Variants in ZFP2 observed in about 807,000 individuals in gnomAD.
ZFP2 encodes ZFP2 zinc finger protein.
ZFP2 carries 33 observed loss-of-function variants against 36.1 expected under a neutral mutation model. The observed-to-expected ratio is 0.92, with a 90% CI of 0.69 to 1.22. The LOEUF (loss-of-function observed/expected upper bound fraction) is 1.22, where lower values mean the gene tolerates loss of function less well. Among genes scored for constraint, ZFP2 ranks in the 50% most tolerant of loss-of-function variants. The pLI, the probability that ZFP2 is intolerant of heterozygous loss-of-function variation, is 0.00. For synonymous variants in ZFP2, 170 were observed against 178.0 expected, an observed-to-expected ratio of 0.96 and a Z score of 0.36; for missense variants, 522 against 551.4, an observed-to-expected ratio of 0.95 and a Z score of 0.53.
At chr5:178,898,671 C>T (rs534250994) in intron 1 of ZFP2, among the ~76,000 whole-genome samples, 5 of 152,302 alleles carry the variant, frequency 3.3e-5, no homozygotes, top group Middle Eastern at 3.4e-3. Context: ...CCATTGGGAG[C>T]TCGGGTGAGC....
At chr5:178,907,423 C>G (rs988420437) in intron 1 of ZFP2, among the ~76,000 whole-genome samples, 2 of 151,414 alleles carry the variant, frequency 1.3e-5, no homozygotes, top group Admixed American at 6.6e-5. Flanking sequence ...TAAACCTAAA[C>G]AGTCATCACA....
Position 178,931,325 on chromosome 5 carries a change from A to T in ZFP2, c.12A>T (p.Glu4Asp), listed in dbSNP as rs140380469. 1.9e-6 allele frequency: 3 copies of T among 1,596,294 alleles called. No individual in the cohort carries two copies. The highest frequency in any genetic ancestry group is 2.6e-6 in the Non-Finnish European group (3 of 1,172,342). The change falls in exon 5 of 5, where the codon GAA becomes GAT. Residue 4 changes from glutamate (E) to aspartate (D), a missense_variant. Physicochemically the swap from Glu to Asp is conservative, Grantham distance 45. Transcript: ENST00000361362. ...GCCATGGGGTAACAATGGAAAGGGA[A>T]GGTATCTGGCATTCTACTCTAGGGG... is the stretch of plus-strand genomic sequence containing the variant. Reference protein sequence around the residue: MEREGIWHSTLGET... With the variant: MERDGIWHSTLGET...
chr5:178,924,320 C>T (rs1242422268), intron 4 of ZFP2, among the ~76,000 whole-genome samples: 1 of 144,204 alleles, frequency 6.9e-6, no homozygotes, highest in East Asian at 2.0e-4. Context: ...TTGCAGTGAG[C>T]CGAGATCGCT....
intron 4 of ZFP2, among the ~76,000 whole-genome samples, chr5:178,919,277 G>A (rs1758503417): frequency 6.6e-6 from 1 of 152,162 alleles, no homozygotes; most frequent in Non-Finnish European, 1.5e-5. Context: ...ATTCTTAATA[G>A]TGAACCATTC....
intron 4 of ZFP2, 143 bp from the exon 5 acceptor site, chr5:178,931,094 T>G: frequency 1.2e-6 from 1 of 808,184 alleles, no homozygotes; most frequent in Non-Finnish European, 1.8e-6. Context: ...TACCTAATTT[T>G]GGGTACATGT....
At chr5:178,929,854 A>G (rs1758778809) in intron 4 of ZFP2, among the ~76,000 whole-genome samples, 1 of 150,902 alleles carries the variant, frequency 6.6e-6, no homozygotes, top group Non-Finnish European at 1.5e-5. Flanking sequence ...ATGAAGAAAT[A>G]CCTCAGACTG....
At chr5:178,918,742 A>G (rs1159750219) in intron 4 of ZFP2, among the ~76,000 whole-genome samples, 1 of 152,252 alleles carries the variant, frequency 6.6e-6, no homozygotes, top group Non-Finnish European at 1.5e-5. Flanking sequence ...ATGTTGCTTA[A>G]TGTAAAATAG....
Position 178,931,738 on chromosome 5 carries a change from G to T in ZFP2, c.425G>T (p.Arg142Leu). Residue 142 changes from arginine (R) to leucine (L), a missense_variant, in exon 5 of 5, where the codon CGA becomes CTA. Transcript: ENST00000361362. ...CNVCGKHFIE[R>L]SSLTVHQRIH... ...GTATGTGGGAAACACTTCATTGAAC[G>T]ATCCTCCCTTACTGTACATCAAAGA... is the stretch of plus-strand genomic sequence containing the variant. 6.2e-7 allele frequency: 1 copy of T among 1,614,062 alleles called. No individual in the cohort carries two copies. The highest frequency in any genetic ancestry group is 8.5e-7 in the Non-Finnish European group (1 of 1,180,012).
intron 1 of ZFP2, among the ~76,000 whole-genome samples, chr5:178,897,042 C>CT (rs3986659): frequency 0.35 from 51,960 of 147,648 alleles, 9,483 homozygotes; most frequent in African/African-American, 0.42. Context: ...TTTCTTTTTT[C>CT]TTTTTTTTTT....
chr5:178,898,073 C>G (rs184958273), intron 1 of ZFP2, among the ~76,000 whole-genome samples: 3 of 152,276 alleles, frequency 2.0e-5, no homozygotes, highest in Admixed American at 2.0e-4. Flanking sequence ...ACTGCAACCT[C>G]TACCTCCCCG....
At chr5:178,899,992 T>G (rs10044592) in intron 1 of ZFP2, among the ~76,000 whole-genome samples, 1,722 of 152,138 alleles carry the variant, frequency 0.011, 31 homozygotes, top group African/African-American at 0.039. Context: ...ATTATCAAAC[T>G]CAGTTATAAA....
At chr5:178,917,270 C>T (rs1330963597) in intron 4 of ZFP2, among the ~76,000 whole-genome samples, 3 of 152,180 alleles carry the variant, frequency 2.0e-5, no homozygotes, top group African/African-American at 7.2e-5. Context: ...CAGGAAGCCA[C>T]CCTAACCATC....
At chr5:178,901,902 G>A (rs1227100418) in intron 1 of ZFP2, among the ~76,000 whole-genome samples, 3 of 152,008 alleles carry the variant, frequency 2.0e-5, no homozygotes, top group African/African-American at 7.2e-5. Context: ...GGGAGGCCAC[G>A]GCAGGTGGAT....
chr5:178,911,777 C>T (rs1239128920), intron 1 of ZFP2, among the ~76,000 whole-genome samples: 1 of 152,112 alleles, frequency 6.6e-6, no homozygotes, highest in East Asian at 1.9e-4. Context: ...TTTTCTATTG[C>T]TTTATTTCTA....
At chr5:178,898,444 T>G (rs1757984953) in intron 1 of ZFP2, among the ~76,000 whole-genome samples, 1 of 152,254 alleles carries the variant, frequency 6.6e-6, no homozygotes, top group Admixed American at 6.5e-5. Flanking sequence ...ATAGGCATAA[T>G]GAAGTGAACT....
At chr5:178,927,109 G>A (rs375785810) in intron 4 of ZFP2, among the ~76,000 whole-genome samples, 2 of 152,250 alleles carry the variant, frequency 1.3e-5, no homozygotes, top group Admixed American at 6.5e-5. Context: ...CCCTTATTTT[G>A]TCTGGGATAA....
At chr5:178,928,344 A>G (rs139243035) in intron 4 of ZFP2, among the ~76,000 whole-genome samples, 166 of 152,270 alleles carry the variant, frequency 1.1e-3, no homozygotes, top group Middle Eastern at 3.4e-3. Context: ...CCACAGTCTC[A>G]TCTTAGACAA....
intron 1 of ZFP2, among the ~76,000 whole-genome samples, chr5:178,896,584 T>A (rs1757947139): frequency 6.6e-6 from 1 of 152,190 alleles, no homozygotes; most frequent in South Asian, 2.1e-4. Context: ...GCCAACCTGG[T>A]GCAGGTTTCG....
intron 1 of ZFP2, chr5:178,910,456 ATC>A: frequency 1.4e-6 from 1 of 713,692 alleles, no homozygotes. Flanking sequence ...TGACAAGGCT[ATC>A]TCTACTTGGC....
Sources: gnomAD v4.1 joint callset for allele counts (sites outside exome capture counted in the v4.1 genomes callset) on GRCh38, gnomAD v4.1.1 for gene constraint, MANE v1.5 for transcripts, NCBI Gene and HGNC (gene_info 2026-07-23, HGNC 2026-07-21) for gene names.